Variants in SLC15A1 observed in about 807,000 individuals in gnomAD.
SLC15A1 encodes the protein solute carrier family 15 member 1.
SLC15A1 carries 83 observed loss-of-function variants against 92.9 expected under a neutral mutation model. The ratio of observed to expected loss-of-function variants is 0.89; its 90% confidence interval spans 0.75 to 1.07. The LOEUF (loss-of-function observed/expected upper bound fraction) is 1.07. SLC15A1 is among the 50% of genes least tolerant of loss of function. The pLI is 0.00. For missense variants in SLC15A1, 857 were observed against 880.1 expected (o/e 0.97, Z 0.33); for synonymous variants, 322 against 318.2 (o/e 1.01, Z -0.13).
chr13:98,685,863 G>C (rs557741953), intron 22 of SLC15A1, among the ~76,000 whole-genome samples: 27 of 152,018 alleles, frequency 1.8e-4, no homozygotes, highest in Admixed American at 1.4e-3. Context: ...GTGGGTGCCT[G>C]TAGGCTCAGC....
chr13:98,689,009 G>T (rs774207183), intron 18 of SLC15A1, among the ~76,000 whole-genome samples: 1 of 151,656 alleles, frequency 6.6e-6, no homozygotes, highest in African/African-American at 2.4e-5. Flanking sequence ...GTGCAATCTC[G>T]GCTCACTGCA....
At chr13:98,718,058 G>T (rs1317031118) in intron 8 of SLC15A1, among the ~76,000 whole-genome samples, 2 of 152,018 alleles carry the variant, frequency 1.3e-5, no homozygotes, top group South Asian at 4.2e-4. Context: ...GGCGGGGGGA[G>T]GTGATACTAG....
intron 1 of SLC15A1, among the ~76,000 whole-genome samples, chr13:98,744,932 A>G (rs1374611653): frequency 6.6e-6 from 1 of 152,212 alleles, no homozygotes; most frequent in Non-Finnish European, 1.5e-5. Flanking sequence ...AATTCTCCAT[A>G]AAAATGTCAG....
intron 7 of SLC15A1, among the ~76,000 whole-genome samples, chr13:98,720,123 A>G (rs1367199168): frequency 6.6e-6 from 1 of 152,240 alleles, no homozygotes; most frequent in African/African-American, 2.4e-5. Context: ...GAGAGAAAGA[A>G]GTTAACTAGC....
intron 21 of SLC15A1, 63 bp from the exon 22 acceptor site, chr13:98,686,360 C>T (rs2087929564): frequency 1.8e-6 from 2 of 1,139,168 alleles, no homozygotes; most frequent in East Asian, 5.1e-5. Flanking sequence ...GAGAACACAG[C>T]TCACCGATGG....
chr13:98,741,095 A>G (rs1461238045), intron 1 of SLC15A1, among the ~76,000 whole-genome samples: 1 of 152,040 alleles, frequency 6.6e-6, no homozygotes, highest in East Asian at 1.9e-4. Context: ...GGTGTGGATT[A>G]GAAAAGTGTG....
In SLC15A1 at chr13:98,688,273, G is replaced by A. The variant is rs1409921121; in HGVS notation, c.1658C>T (p.Ala553Val). 3.7e-6 allele frequency: 6 copies of A among 1,612,882 alleles called. No individual in the cohort carries two copies. In the African/African-American group the frequency reaches 8.0e-5, roughly 22 times the overall value. The part of the protein sequence containing the change: ...FNTFYLEFGS[A>V]YTYIVQRKND... Reference sequence around the variant, plus strand: ...CTTCCTTTGGACTATATAGGTATAAGCACTACCAAATTCAAGGTAGAAAGT... The same window carrying A: ...CTTCCTTTGGACTATATAGGTATAAACACTACCAAATTCAAGGTAGAAAGT... The change falls in exon 20 of 23, where the codon GCT (alanine) becomes GTT (valine). Residue 553 changes from alanine to valine, a missense_variant. Ala to Val is a moderately conservative substitution (Grantham distance 64, BLOSUM62 0). Transcript: ENST00000376503.
chr13:98,737,084 G>T (rs2088400931), intron 1 of SLC15A1, among the ~76,000 whole-genome samples: 1 of 152,078 alleles, frequency 6.6e-6, no homozygotes, highest in East Asian at 1.9e-4. Flanking sequence ...CAAAGACTTG[G>T]AACCAACCCA....
intron 18 of SLC15A1, among the ~76,000 whole-genome samples, chr13:98,690,189 C>A (rs4608199): frequency 0.1 from 15,670 of 152,238 alleles, 981 homozygotes; most frequent in African/African-American, 0.15. Flanking sequence ...ATAATTTAAC[C>A]TTTCCATGGC....
chr13:98,739,287 A>G (rs2088420886), intron 1 of SLC15A1, among the ~76,000 whole-genome samples: 1 of 152,144 alleles, frequency 6.6e-6, no homozygotes, highest in Non-Finnish European at 1.5e-5. Flanking sequence ...ATGAGTTAAG[A>G]CTTTGGGGGA....
intron 17 of SLC15A1, among the ~76,000 whole-genome samples, chr13:98,703,234 GAAGA>G (rs1450881738): frequency 6.6e-6 from 1 of 150,702 alleles, no homozygotes; most frequent in Non-Finnish European, 1.5e-5. Context: ...GAAGAAAAGA[GAAGA>G]GAGAAAAGGA....
intron 1 of SLC15A1, among the ~76,000 whole-genome samples, chr13:98,742,157 A>AC (rs990976734): frequency 6.6e-6 from 1 of 152,044 alleles, no homozygotes; most frequent in African/African-American, 2.4e-5. Flanking sequence ...CTCCCTCAGG[A>AC]CCCCCGAGGA....
chr13:98,701,115 G>C (rs920234210), intron 18 of SLC15A1, among the ~76,000 whole-genome samples: 1 of 151,616 alleles, frequency 6.6e-6, no homozygotes, highest in African/African-American at 2.4e-5. Context: ...CTACAGGTCA[G>C]CTTGGGGAAA....
At position 98,751,298 on chromosome 13, in the gene SLC15A1, T is replaced by G. The variant is rs750095814; in HGVS notation, c.4+1297A>C. Among the ~76,000 whole-genome samples the G allele has an allele frequency of 3.4e-4, 51 of 152,192 alleles. 1 individual carries two copies. The highest frequency in any genetic ancestry group is 2.6e-4 in the Non-Finnish European group (18 of 68,038). ...ATTCATTTGGAAAGGAGGCTTCAAA[T>G]CTAACTCTGTATTCCTTCACCAATA... On this transcript the variant is annotated intron_variant, in intron 1 of 22. Coordinates refer to ENST00000376503, the MANE Select transcript of SLC15A1 (RefSeq NM_005073.4).
chr13:98,745,671 C>G (rs1209309342), intron 1 of SLC15A1, among the ~76,000 whole-genome samples: 1 of 152,188 alleles, frequency 6.6e-6, no homozygotes, highest in Non-Finnish European at 1.5e-5. Flanking sequence ...GCTTCACCCC[C>G]AGAGCCTTCG....
chr13:98,713,605 G>A (rs1463840306), intron 9 of SLC15A1, among the ~76,000 whole-genome samples: 1 of 152,098 alleles, frequency 6.6e-6, no homozygotes, highest in Admixed American at 6.6e-5. Context: ...AGAAAAATAC[G>A]ATGGCCCACC....
intron 1 of SLC15A1, among the ~76,000 whole-genome samples, chr13:98,728,988 A>AAAAAAAAAC (rs1566455578): frequency 2.7e-5 from 4 of 145,844 alleles, no homozygotes; most frequent in Non-Finnish European, 6.0e-5. Context: ...AAAAAAAAAA[A>AAAAAAAAAC]AAAAAAAAAA....
intron 1 of SLC15A1, among the ~76,000 whole-genome samples, chr13:98,742,320 C>T (rs2088455073): frequency 2.6e-5 from 4 of 152,236 alleles, no homozygotes; most frequent in Admixed American, 2.6e-4. Context: ...GCTGCTTTTC[C>T]CGCCTACATG....
intron 18 of SLC15A1, among the ~76,000 whole-genome samples, chr13:98,691,492 T>C (rs1808945263): frequency 6.6e-6 from 1 of 152,228 alleles, no homozygotes; most frequent in African/African-American, 2.4e-5. Flanking sequence ...TGTTTTCATC[T>C]CTTCTGGGTG....
Sources: gnomAD v4.1 joint callset for allele counts (sites outside exome capture counted in the v4.1 genomes callset) on GRCh38, gnomAD v4.1.1 for gene constraint, MANE v1.5 for transcripts, NCBI Gene and HGNC (gene_info 2026-07-23, HGNC 2026-07-21) for gene names.